The following SULF2 variants were observed in gnomAD, a reference collection of about 807,000 sequenced individuals.
SULF2 encodes extracellular sulfatase Sulf-2.
Under a neutral mutation model 107.7 loss-of-function variants are expected in SULF2, and 52 were observed. The ratio of observed to expected loss-of-function variants is 0.48; its 90% CI spans 0.39 to 0.61. SULF2 has a LOEUF of 0.61. Among genes scored for constraint, SULF2 ranks in the 20% least tolerant of loss-of-function variants. The pLI is 0.00. For synonymous variants in SULF2, 460 were observed against 464.3 expected (o/e 0.99, Z 0.12); for missense variants, 993 against 1,177.3 (o/e 0.84, Z 2.29).
chr20:47,783,476 C>A (rs6094844), intron 1 of SULF2, among the ~76,000 whole-genome samples: 1 of 152,218 alleles, frequency 6.6e-6, no homozygotes, highest in African/African-American at 2.4e-5. Context: ...CAACTGGGTT[C>A]TTTGGACAGC....
rs370445150 is a variant in SULF2 at position 47,677,204 on chromosome 20, G to A, written c.1194-70C>T. Reference sequence around the variant, plus strand: ...CCCACGACCCCCCGTTCCCCCAGGAGCAGGGACGGCACCAGGAGTCAGCCT... The same window carrying A: ...CCCACGACCCCCCGTTCCCCCAGGAACAGGGACGGCACCAGGAGTCAGCCT... On this transcript the variant is annotated intron_variant, in intron 8 of 20. Coordinates refer to ENST00000688720, the MANE Select transcript of SULF2 (RefSeq NM_001387048.1). 138 of 1,541,858 alleles carry A rather than the reference G, an allele frequency of 9.0e-5. 1 individual carries two copies. The East Asian group carries it at 1.4e-3, about 16-fold the overall frequency.
chr20:47,704,353 G>A (rs1200828309), intron 3 of SULF2, among the ~76,000 whole-genome samples: 1 of 151,886 alleles, frequency 6.6e-6, no homozygotes, highest in Non-Finnish European at 1.5e-5. Context: ...GCTCACTGCA[G>A]CCTCAACCTC....
intron 3 of SULF2, among the ~76,000 whole-genome samples, chr20:47,715,342 C>A (rs2146667846): frequency 6.6e-6 from 1 of 152,248 alleles, no homozygotes; most frequent in Non-Finnish European, 1.5e-5. Flanking sequence ...CATATTTATT[C>A]ACTGGTCATA....
Position 47,664,160 on chromosome 20 carries a change from T to C in SULF2, c.2027A>G (p.Lys676Arg), listed in dbSNP as rs1292937374. The change falls in exon 15 of 21, where the codon AAG becomes AGG. Residue 676 changes from lysine (K) to arginine (R), a missense_variant. By Grantham distance (26) the Lys-to-Arg change is conservative (BLOSUM62 2). This residue lies in a region of SULF2 where 497 missense variants were observed against 544.1 expected (regional missense o/e 0.91). Transcript: ENST00000688720. ...AGGATGCAGACTGGAGCCTCTGTGC[T>C]TGAGGCGGCCTTTGTGCTGGGTGTG... ...SYHTQHKGRLKHRGSSLHPFR... is the reference protein window; with the variant it reads ...SYHTQHKGRLRHRGSSLHPFR... 6.2e-7 allele frequency: 1 copy of C among 1,613,304 alleles called. No homozygotes were observed. The highest frequency in any genetic ancestry group is 1.7e-5 in the Admixed American group (1 of 59,928).
chr20:47,764,446 AC>A (rs201907938), intron 1 of SULF2, among the ~76,000 whole-genome samples: 9 of 150,884 alleles, frequency 6.0e-5, no homozygotes, highest in Admixed American at 2.0e-4. Context: ...CTTATTTCCC[AC>A]CCCCCCTTAT....
intron 1 of SULF2, among the ~76,000 whole-genome samples, chr20:47,775,206 C>T (rs62202163): frequency 0.038 from 5,830 of 152,216 alleles, 177 homozygotes; most frequent in Non-Finnish European, 0.061. Flanking sequence ...GATGCTGTGC[C>T]GGTTTTGCGG....
At chr20:47,707,031 CCAGT>C (rs1293729553) in intron 3 of SULF2, 1 of 151,906 alleles carries the variant, frequency 6.6e-6, no homozygotes, top group Non-Finnish European at 1.5e-5. Context: ...CTCTTGTCAC[CCAGT>C]CTGGAGGGCA....
Position 47,757,417 on chromosome 20 carries a change from C to G in SULF2, c.-54G>C. On this transcript the variant is annotated 5_prime_UTR_variant, in exon 2 of 21. Coordinates refer to ENST00000688720, the MANE Select transcript of SULF2 (RefSeq NM_001387048.1). ...TTTGGGATGCGGGAGTCTCAAGTTG[C>G]GTCTGTGGCTTTGTTTCTTTTCCCT... The G allele has an allele frequency of 6.6e-7, 1 of 1,504,232 alleles. No individual in the cohort carries two copies. Among genetic ancestry groups the G allele is most frequent in the Non-Finnish European group, 8.9e-7 (1 of 1,117,382 alleles). The allele number at this position is 1,504,232 out of a possible 1,614,324, so 93.2% of individuals were successfully genotyped here.
chr20:47,663,905 TC>T (rs1337046972), intron 15 of SULF2, among the ~76,000 whole-genome samples: 1 of 152,214 alleles, frequency 6.6e-6, no homozygotes, highest in African/African-American at 2.4e-5. Flanking sequence ...CCTTCCTGTG[TC>T]CTGCCCTGCT....
At chr20:47,689,779 G>T in intron 5 of SULF2, 1 of 182,516 alleles carries the variant, frequency 5.5e-6, no homozygotes, top group South Asian at 2.0e-4. Context: ...TAATTAGTCT[G>T]GTAAAACTAT....
intron 3 of SULF2, among the ~76,000 whole-genome samples, chr20:47,724,056 G>A (rs1461274199): frequency 6.6e-6 from 1 of 152,200 alleles, no homozygotes; most frequent in Non-Finnish European, 1.5e-5. Flanking sequence ...GGCAGCCTGA[G>A]TGCTGTCACC....
intron 1 of SULF2, among the ~76,000 whole-genome samples, chr20:47,767,822 C>T (rs1226375650): frequency 6.6e-6 from 1 of 151,498 alleles, no homozygotes; most frequent in African/African-American, 2.4e-5. Context: ...CCTGTAATCT[C>T]AGTTACTCGG....
At chr20:47,740,207 G>A (rs1259436952) in intron 2 of SULF2, among the ~76,000 whole-genome samples, 2 of 152,240 alleles carry the variant, frequency 1.3e-5, no homozygotes, top group Middle Eastern at 3.2e-3. Flanking sequence ...ACAGAAGAGG[G>A]AACTGAACCT....
intron 1 of SULF2, among the ~76,000 whole-genome samples, chr20:47,781,147 T>TA (rs1057274017): frequency 9.8e-5 from 15 of 152,366 alleles, no homozygotes; most frequent in African/African-American, 3.6e-4. Flanking sequence ...CTTCAGACAG[T>TA]AAGGCAGAAA....
At chr20:47,746,981 AT>A (rs147936951) in intron 2 of SULF2, among the ~76,000 whole-genome samples, 10,137 of 48,438 alleles carry the variant, frequency 0.21, 499 homozygotes, top group African/African-American at 0.23. Context: ...ACTTAAATAA[AT>A]AAAAAAAAAA....
chr20:47,688,064 C>T (rs547172365), intron 5 of SULF2, among the ~76,000 whole-genome samples: 5 of 152,026 alleles, frequency 3.3e-5, no homozygotes, highest in African/African-American at 7.2e-5. Flanking sequence ...CTGGGGTCTG[C>T]GGGGTGGATG....
In SULF2 at chr20:47,665,251, G is replaced by A; in HGVS notation, c.1945C>T (p.Arg649Ter). Residue 649 changes from arginine (R) to a stop codon, truncating the protein, a stop_gained, in exon 14 of 21, where the codon CGA (arginine) becomes TGA (stop). Transcript: ENST00000688720. LOFTEE classifies it high-confidence loss of function. ...QNKIKNLREV[R>*]GHLKKKRPEE... ...GGCCGCTTTTTCTTCAGGTGACCTC[G>A]GACTTCCCTCAGGTTCTTAATTTTG... is the stretch of plus-strand genomic sequence containing the variant. 6.2e-7 allele frequency: 1 copy of A among 1,614,020 alleles called. No homozygotes were observed. Among genetic ancestry groups the A allele is most frequent in the Non-Finnish European group, 8.5e-7 (1 of 1,179,936 alleles).
intron 1 of SULF2, among the ~76,000 whole-genome samples, chr20:47,767,338 G>T (rs2146953698): frequency 6.6e-6 from 1 of 152,292 alleles, no homozygotes; most frequent in South Asian, 2.1e-4. Flanking sequence ...TTCTATAACA[G>T]CTCCCAATTT....
Position 47,755,844 on chromosome 20 carries a change from GCCAAGTCAGCT to G in SULF2, c.175+1334_175+1344del, listed in dbSNP as rs370710907. Among the ~76,000 whole-genome samples the G allele has an allele frequency of 2.0e-3, 306 of 151,378 alleles. 3 individuals carry two copies. Among genetic ancestry groups the G allele is most frequent in the East Asian group, 0.01 (53 of 5,150 alleles). The stretch of plus-strand genomic sequence containing the variant: ...GGCCACAAGGCCTGGTGCAACCCGG[GCCAAGTCAGCT>G]CCTCAGCTTCATCTCTCTCCATCAC... On this transcript the variant is annotated intron_variant, in intron 2 of 20. Coordinates refer to ENST00000688720, the MANE Select transcript of SULF2 (RefSeq NM_001387048.1).
Sources: allele counts gnomAD v4.1 joint callset (sites outside exome capture counted in the v4.1 genomes callset), GRCh38; gene constraint gnomAD v4.1.1; regional missense constraint gnomAD v4.1.1; transcripts MANE v1.5; gene names NCBI Gene and HGNC (gene_info 2026-07-23, HGNC 2026-07-21).